The following FLNB variants were observed in gnomAD, a reference collection of about 807,000 sequenced individuals.
FLNB encodes filamin B, also known as filamin-B.
A neutral mutation model predicts 250.6 loss-of-function variants in FLNB; 111 were observed. That is an observed-to-expected ratio of 0.44 (90% confidence interval 0.38 to 0.52). The LOEUF (loss-of-function observed/expected upper bound fraction) is 0.52, where lower values mean the gene tolerates loss of function less well. Among genes scored for constraint, FLNB ranks in the 20% least tolerant of loss-of-function variants. The pLI is 0.00. For synonymous variants in FLNB, 1,302 were observed against 1,372.1 expected, an observed-to-expected ratio of 0.95 and a Z score of 1.13; for missense variants, 2,869 against 3,447.8, an observed-to-expected ratio of 0.83 and a Z score of 4.20.
rs771217379 is a variant in FLNB at position 58,170,634 on chromosome 3, A to G, written c.7681A>G (p.Met2561Val). ...CACCACCCCCTGCGAGGAGGTCTCC[A>G]TGAAGCATGTAGGCAACCAGCAATA... The part of the protein sequence containing the change: ...GPTTPCEEVS[M>V]KHVGNQQYNV... Residue 2561 changes from methionine (M) to valine (V), a missense_variant, in exon 46 of 46, where the codon ATG becomes GTG. By Grantham distance (21) the Met-to-Val change is conservative. This residue lies in a region of FLNB where 1,084 missense variants were observed against 1,315.5 expected (regional missense o/e 0.82). Transcript: ENST00000295956. 8 of 1,614,042 alleles carry G rather than the reference A, an allele frequency of 5.0e-6. 1 individual carries two copies. Among genetic ancestry groups the G allele is most frequent in the South Asian group, 4.4e-5 (4 of 91,092 alleles).
At chr3:58,101,197 C>T (rs2097250684) in intron 8 of FLNB, among the ~76,000 whole-genome samples, 1 of 152,102 alleles carries the variant, frequency 6.6e-6, no homozygotes. Flanking sequence ...CCAGCTAAGG[C>T]CATTGCAGGA....
chr3:58,163,566 T>A, intron 43 of FLNB: 1 of 554,010 alleles, frequency 1.8e-6, no homozygotes, highest in Non-Finnish European at 3.2e-6. Flanking sequence ...TACTGTTAGT[T>A]GTGATTCAGA....
chr3:58,149,811 G>A, intron 36 of FLNB, 39 bp from the exon 37 acceptor site: 1 of 1,613,912 alleles, frequency 6.2e-7, no homozygotes, highest in Non-Finnish European at 8.5e-7. Flanking sequence ...TCTTCCTGAG[G>A]AGCTGCTGTC....
intron 8 of FLNB, among the ~76,000 whole-genome samples, chr3:58,101,044 A>G (rs901359200): frequency 1.3e-5 from 2 of 152,230 alleles, no homozygotes; most frequent in Admixed American, 1.3e-4. Context: ...AAGAAACTTT[A>G]TATCACTTTC....
intron 1 of FLNB, among the ~76,000 whole-genome samples, chr3:58,051,489 G>A (rs2097162354): frequency 1.3e-5 from 2 of 152,118 alleles, no homozygotes; most frequent in Admixed American, 6.5e-5. Context: ...GGTCTGCTAC[G>A]TGTCCATCTG....
chr3:58,141,512 T>C (rs887280890), intron 29 of FLNB, among the ~76,000 whole-genome samples: 2 of 152,288 alleles, frequency 1.3e-5, no homozygotes, highest in Middle Eastern at 3.4e-3. Flanking sequence ...CAGAATTTAT[T>C]TGACCAAATC....
intron 25 of FLNB, chr3:58,132,078 C>G: frequency 8.5e-7 from 1 of 1,181,848 alleles, no homozygotes; most frequent in East Asian, 2.6e-5. Context: ...GCTGGCCTCA[C>G]TTCTAAAATT....
chr3:58,087,183 TATAAG>T (rs561728758), intron 4 of FLNB, among the ~76,000 whole-genome samples: 19 of 152,338 alleles, frequency 1.2e-4, no homozygotes, highest in African/African-American at 4.6e-4. Context: ...TCATGATATT[TATAAG>T]ATAATTGAAA....
chr3:58,159,480 T>C (rs1575472317), intron 41 of FLNB, 74 bp from the exon 42 acceptor site: 1 of 1,463,158 alleles, frequency 6.8e-7, no homozygotes, highest in African/African-American at 1.4e-5. Context: ...ACCCACAGTT[T>C]TGGGTAGGGT....
chr3:58,047,276 A>T (rs757723010), intron 1 of FLNB, among the ~76,000 whole-genome samples: 4 of 152,142 alleles, frequency 2.6e-5, no homozygotes, highest in African/African-American at 7.2e-5. Flanking sequence ...CTTTTTTCTT[A>T]TATTTATTTT....
At chr3:58,082,969 G>A (rs574616808) in intron 4 of FLNB, among the ~76,000 whole-genome samples, 6 of 152,152 alleles carry the variant, frequency 3.9e-5, no homozygotes, top group Non-Finnish European at 8.8e-5. Context: ...TGCAAGCATG[G>A]TGACAGTTCT....
At chr3:58,033,072 C>T (rs1339446652) in intron 1 of FLNB, among the ~76,000 whole-genome samples, 1 of 152,172 alleles carries the variant, frequency 6.6e-6, no homozygotes, top group Non-Finnish European at 1.5e-5. Context: ...GACATTGTCT[C>T]AATCTCCCCA....
chr3:58,150,647 G>A (rs912856843), intron 38 of FLNB: 2 of 289,474 alleles, frequency 6.9e-6, no homozygotes, highest in Admixed American at 4.8e-5. Context: ...TTAGAACGAG[G>A]GCTGTGCTGC....
intron 18 of FLNB, among the ~76,000 whole-genome samples, chr3:58,118,471 G>A (rs182767771): frequency 9.9e-5 from 15 of 152,106 alleles, no homozygotes; most frequent in African/African-American, 3.1e-4. Context: ...GGCCCAGCTC[G>A]CACCCTTACC....
chr3:58,130,580 A>G (rs1033278167), intron 24 of FLNB, among the ~76,000 whole-genome samples, 161 bp from the exon 25 acceptor site: 3 of 152,172 alleles, frequency 2.0e-5, no homozygotes, highest in African/African-American at 7.2e-5. Context: ...ATGGTTGACA[A>G]CAATGAGTAG....
chr3:58,157,059 A>G (rs1478935156), intron 41 of FLNB, among the ~76,000 whole-genome samples: 2 of 152,320 alleles, frequency 1.3e-5, no homozygotes, highest in East Asian at 3.9e-4. Flanking sequence ...ACACGGTTGC[A>G]TAGTCCATCC....
chr3:58,036,916 C>T (rs1415537597), intron 1 of FLNB, among the ~76,000 whole-genome samples: 4 of 152,184 alleles, frequency 2.6e-5, no homozygotes, highest in Non-Finnish European at 4.4e-5. Flanking sequence ...GTTTCAGTTT[C>T]TCACCTGTAA....
chr3:58,060,981 A>G (rs933418754), intron 1 of FLNB, among the ~76,000 whole-genome samples: 3 of 152,090 alleles, frequency 2.0e-5, no homozygotes, highest in Non-Finnish European at 1.5e-5. Context: ...TGAGGAATGG[A>G]AGGCATTTGG....
chr3:58,100,373 A>AAAAAAAAAATATATATATATATATATAT lies in FLNB; in HGVS notation c.1345+1466_1345+1467insAAAAAAAATATATATATATATATATATA. On this transcript the variant is annotated intron_variant, in intron 8 of 45. Transcript: ENST00000295956. ...AATGATTTTACATATGTAAAAAAAA[A>AAAAAAAAAATATATATATATATATATAT]ATATATATATATTTGCAGGGGCGCG... Among the ~76,000 whole-genome samples the AAAAAAAAAATATATATATATATATATAT allele has an allele frequency of 1.9e-4, 20 of 104,346 alleles. 1 individual carries two copies. Among genetic ancestry groups the AAAAAAAAAATATATATATATATATATAT allele is most frequent in the African/African-American group, 6.4e-4 (14 of 21,912 alleles). The allele number at this position is 104,346 out of a possible 152,430, so 68.5% of individuals were successfully genotyped here. A position where few individuals can be genotyped will look rare whatever the true frequency, so the allele number is the denominator to read the frequency against.
Sources: gnomAD v4.1 joint callset for allele counts (sites outside exome capture counted in the v4.1 genomes callset) on GRCh38, gnomAD v4.1.1 for gene constraint, gnomAD v4.1.1 regional missense constraint, MANE v1.5 for transcripts, NCBI Gene and HGNC (gene_info 2026-07-23, HGNC 2026-07-21) for gene names.